RPS6KA2: variants seen among roughly 807,000 people sequenced by gnomAD.
RPS6KA2 encodes ribosomal protein S6 kinase A2.
Under a neutral mutation model 91.8 loss-of-function variants are expected in RPS6KA2, and 42 were observed. That is an observed-to-expected ratio of 0.46 (90% confidence interval 0.36 to 0.59). The LOEUF is 0.59. RPS6KA2 is among the 20% of genes least tolerant of loss of function. The pLI, the probability that RPS6KA2 is intolerant of heterozygous loss-of-function variation, is 0.00. For missense variants in RPS6KA2, 798 were observed against 978.5 expected, an observed-to-expected ratio of 0.82 and a Z score of 2.46; for synonymous variants, 414 against 393.6, an observed-to-expected ratio of 1.05 and a Z score of -0.61.
chr6:166,786,382 A>G (rs1778930096), intron 2 of RPS6KA2, among the ~76,000 whole-genome samples: 1 of 152,242 alleles, frequency 6.6e-6, no homozygotes, highest in Non-Finnish European at 1.5e-5. Flanking sequence ...AGGAGTTAAT[A>G]GAGAATAATG....
Position 166,734,883 on chromosome 6 carries a change from G to C in RPS6KA2, c.123+123317C>G, listed in dbSNP as rs184699578. The stretch of plus-strand genomic sequence containing the variant: ...TACCATGACAGTGTTTTCACATACA[G>C]AATGAGAAAATATCACAGATTTTGA... On this transcript the variant is annotated intron_variant, in intron 2 of 21. Coordinates refer to the RPS6KA2 transcript ENST00000503859. Among the ~76,000 whole-genome samples, 12 of 152,282 alleles carry C rather than the reference G, an allele frequency of 7.9e-5. No homozygotes were observed. In the East Asian group the frequency reaches 2.3e-3, roughly 29 times the overall value.
intron 1 of RPS6KA2, among the ~76,000 whole-genome samples, chr6:166,545,158 T>C (rs1238708693): frequency 6.6e-6 from 1 of 152,224 alleles, no homozygotes; most frequent in African/African-American, 2.4e-5. Flanking sequence ...AGACAAGGTC[T>C]CCATTTCAAC....
chr6:166,470,138 A>G (rs558480207), intron 10 of RPS6KA2, among the ~76,000 whole-genome samples: 2 of 152,306 alleles, frequency 1.3e-5, no homozygotes, highest in African/African-American at 4.8e-5. Context: ...GGTTGGAGTG[A>G]GCAAAAGAGG....
chr6:166,823,301 G>A (rs1562457610), intron 2 of RPS6KA2, among the ~76,000 whole-genome samples: 1 of 152,146 alleles, frequency 6.6e-6, no homozygotes, highest in South Asian at 2.1e-4. Context: ...AACCAACCAC[G>A]GTATATGAGC....
chr6:166,516,875 T>C (rs1782663092), intron 3 of RPS6KA2, among the ~76,000 whole-genome samples: 1 of 152,230 alleles, frequency 6.6e-6, no homozygotes, highest in Non-Finnish European at 1.5e-5. Context: ...TCCTACTCCA[T>C]CTTGCCATCT....
intron 2 of RPS6KA2, among the ~76,000 whole-genome samples, chr6:166,633,294 A>C (rs1787139997): frequency 1.3e-5 from 2 of 152,242 alleles, no homozygotes; most frequent in Admixed American, 1.3e-4. Context: ...AAATTGGGGC[A>C]GAGTAAAGGG....
At position 166,603,847 on chromosome 6, in the gene RPS6KA2, AC is replaced by A. The variant is rs1345327318; in HGVS notation, c.99+23073del. ...GTCAGGGGTGTTAGAGGAGCCAAAG[AC>A]CCCCTCAGCACCCACCAAACGGGCA... is the stretch of plus-strand genomic sequence containing the variant. On this transcript the variant is annotated intron_variant, in intron 1 of 20. Coordinates refer to ENST00000265678, the MANE Select transcript of RPS6KA2 (RefSeq NM_021135.6). This position sits in a 1 kb window ranked among gnomAD's most constrained non-coding sequence, Gnocchi z 4.3. 3.3e-5 allele frequency among the ~76,000 whole-genome samples: 5 copies of A among 151,808 alleles called. No individual in the cohort carries two copies. The highest frequency in any genetic ancestry group is 1.2e-4 in the African/African-American group (5 of 41,262).
chr6:166,580,669 A>T (rs6910053), intron 1 of RPS6KA2, among the ~76,000 whole-genome samples: 1 of 149,712 alleles, frequency 6.7e-6, no homozygotes, highest in African/African-American at 2.5e-5. Flanking sequence ...CCCCACCCCC[A>T]ACCCCTGACC....
Position 166,433,914 on chromosome 6 carries a change from A to C in RPS6KA2, c.1333-1424T>G, listed in dbSNP as rs1779214992. Among the ~76,000 whole-genome samples the C allele has an allele frequency of 6.6e-6, 1 of 151,710 alleles. No homozygotes were observed. Among genetic ancestry groups the C allele is most frequent in the South Asian group, 2.1e-4 (1 of 4,802 alleles). Reference sequence around the variant, plus strand: ...GGACTACAGAGGTGTGTGCCACCCTACTCAGCTAATTTTTAAATTCTTTGT... The same window carrying C: ...GGACTACAGAGGTGTGTGCCACCCTCCTCAGCTAATTTTTAAATTCTTTGT... On this transcript the variant is annotated intron_variant, in intron 14 of 20. Transcript: ENST00000265678. The surrounding 1 kb of genome is among the most constrained non-coding windows in gnomAD (Gnocchi z 4.4).
At chr6:166,642,967 C>T (rs1169933992) in intron 2 of RPS6KA2, among the ~76,000 whole-genome samples, 1 of 152,226 alleles carries the variant, frequency 6.6e-6, no homozygotes, top group Non-Finnish European at 1.5e-5. Context: ...TTAAAGAACA[C>T]CAGGTTCCCC....
intron 2 of RPS6KA2, among the ~76,000 whole-genome samples, chr6:166,679,657 C>T (rs1208702504): frequency 2.0e-5 from 3 of 152,192 alleles, no homozygotes; most frequent in Admixed American, 6.5e-5. Flanking sequence ...TCGATCTGGC[C>T]GCGCTCGAGG....
Position 166,626,909 on chromosome 6 carries a change from C to T in RPS6KA2, c.99+12G>A. 1 of 1,498,140 alleles carries T rather than the reference C, an allele frequency of 6.7e-7. No homozygotes were observed. The highest frequency in any genetic ancestry group is 2.8e-5 in the East Asian group (1 of 36,358). 92.8% of individuals were successfully genotyped at this position (1,498,140 alleles called of 1,614,324 possible). On this transcript the variant is annotated intron_variant, in intron 1 of 20. Transcript: ENST00000265678. This position sits in a 1 kb window ranked among gnomAD's most constrained non-coding sequence, Gnocchi z 4.1. ...GCCCGGCACCTGCGCGCCCCGAGGG[C>T]GGCCGCATTACCTCGAGCCGGCTCA...
chr6:166,750,729 C>A (rs13210321), intron 2 of RPS6KA2, among the ~76,000 whole-genome samples: 6,639 of 152,244 alleles, frequency 0.044, 197 homozygotes, highest in South Asian at 0.1. Context: ...ACGGAAGTCT[C>A]CAGCCCTCAT....
In RPS6KA2 at chr6:166,432,462, G is replaced by A. The variant is rs780204450; in HGVS notation, c.1361C>T (p.Ser454Leu). ...CCGCAGGAGGATCTCAATCTCTTCC[G>A]AGGGGTCTCTCTTGCTCTTATCAAT... ...KIIDKSKRDP[S>L]EEIEILLRYG... is the part of the protein sequence containing the mutation. Residue 454 changes from serine (S) to leucine (L), a missense_variant, in exon 15 of 21, where the codon TCG becomes TTG. Transcript: ENST00000265678. 3.1e-6 allele frequency: 5 copies of A among 1,613,164 alleles called. No homozygotes were observed. The highest frequency in any genetic ancestry group is 1.7e-5 in the Admixed American group (1 of 60,016).
chr6:166,516,771 T>G (rs1215886052), intron 3 of RPS6KA2, among the ~76,000 whole-genome samples: 1 of 152,182 alleles, frequency 6.6e-6, no homozygotes, highest in Admixed American at 6.5e-5. Context: ...CCAATGTGCC[T>G]CCTCTTCTGG....
chr6:166,735,215 C>T (rs912828675), intron 2 of RPS6KA2, among the ~76,000 whole-genome samples: 1 of 152,158 alleles, frequency 6.6e-6, no homozygotes, highest in East Asian at 1.9e-4. Flanking sequence ...ACTTCTGCAC[C>T]CATCAACAAG....
rs185436068 is a variant in RPS6KA2 at position 166,736,787 on chromosome 6, A to G, written c.123+121413T>C. Among the ~76,000 whole-genome samples the G allele has an allele frequency of 7.3e-4, 111 of 152,286 alleles. 2 individuals are homozygous for G. Among genetic ancestry groups the G allele is most frequent in the Middle Eastern group, 6.8e-3 (2 of 294 alleles). Reference sequence around the variant, plus strand: ...TCTCCTCTCAGCTGGAAGCAGGAAGACCAGAGAGGCTGACTAATGATGGGA... The same window carrying G: ...TCTCCTCTCAGCTGGAAGCAGGAAGGCCAGAGAGGCTGACTAATGATGGGA... On this transcript the variant is annotated intron_variant, in intron 2 of 21. Transcript: ENST00000503859.
intron 2 of RPS6KA2, among the ~76,000 whole-genome samples, chr6:166,715,534 T>G (rs1013850678): frequency 6.6e-6 from 1 of 152,140 alleles, no homozygotes; most frequent in Admixed American, 6.5e-5. Flanking sequence ...CAACAACAGA[T>G]GCAAGCACAG....
Position 166,409,380 on chromosome 6 carries a change from A to G in RPS6KA2, c.*3382T>C, listed in dbSNP as rs1778225776. ...GTCCAAAGGTTATTGTTAGGCTAGA[A>G]AAAGATTACACTTCATAAAACCATG... On this transcript the variant is annotated 3_prime_UTR_variant, in exon 21 of 21. Coordinates refer to ENST00000265678, the MANE Select transcript of RPS6KA2 (RefSeq NM_021135.6). 6.6e-6 allele frequency: 1 copy of G among 152,272 alleles called. No homozygotes were observed. The highest frequency in any genetic ancestry group is 6.5e-5 in the Admixed American group (1 of 15,288). The allele number at this position is 152,272 out of a possible 1,614,324, so 9.4% of individuals were successfully genotyped here. A position where few individuals can be genotyped will look rare whatever the true frequency, so the allele number is the denominator to read the frequency against.
Sources: gnomAD v4.1 joint callset for allele counts (sites outside exome capture counted in the v4.1 genomes callset) on GRCh38, gnomAD v4.1.1 for gene constraint, Gnocchi (gnomAD v3.1) non-coding constraint, MANE v1.5 for transcripts, NCBI Gene and HGNC (gene_info 2026-07-23, HGNC 2026-07-21) for gene names.